The following ABCA3 variants were observed in gnomAD, a reference collection of about 807,000 sequenced individuals.
ABCA3 encodes phospholipid-transporting ATPase ABCA3.
In ABCA3, 88 loss-of-function variants were observed where a neutral mutation model predicts 172.8. That is an observed-to-expected ratio of 0.51 (90% confidence interval 0.43 to 0.61). The LOEUF is 0.61. ABCA3 is among the 20% of genes least tolerant of loss of function. The pLI is 0.00. For missense variants in ABCA3, 2,164 were observed against 2,301.0 expected, an observed-to-expected ratio of 0.94 and a Z score of 1.22; for synonymous variants, 1,066 against 983.8, an observed-to-expected ratio of 1.08 and a Z score of -1.56.
chr16:2,332,790 A>T, intron 1 of ABCA3: 1 of 698,698 alleles, frequency 1.4e-6, no homozygotes, highest in Non-Finnish European at 2.4e-6. Context: ...CATAGGCTTG[A>T]ATTTGCCACC....
Position 2,288,242 on chromosome 16 carries a change from C to T in ABCA3, c.2788G>A (p.Val930Ile). The change falls in exon 21 of 33, where the codon GTC becomes ATC. Residue 930 changes from valine to isoleucine, a missense_variant. Val to Ile is a conservative substitution (Grantham distance 29). This residue lies in a region of ABCA3 where 1,343 missense variants were observed against 1,369.6 expected (regional missense o/e 0.98). Coordinates refer to ENST00000301732, the MANE Select transcript of ABCA3 (RefSeq NM_001089.3). ...GTGACGCAGGTCAGAGGCACCAGGACCTGTGCCGCCACCATTTTCCACTCG... is the reference window on the plus strand; with the variant it reads ...GTGACGCAGGTCAGAGGCACCAGGATCTGTGCCGCCACCATTTTCCACTCG... Reference protein sequence around the residue: ...WREWKMVAAQVLVPLTCVTLA... With the variant: ...WREWKMVAAQILVPLTCVTLA... The T allele has an allele frequency of 6.3e-7, 1 of 1,593,448 alleles. No homozygotes were observed. Among genetic ancestry groups the T allele is most frequent in the Non-Finnish European group, 8.5e-7 (1 of 1,170,170 alleles).
intron 1 of ABCA3, among the ~76,000 whole-genome samples, chr16:2,339,543 G>T (rs115476416): frequency 6.6e-6 from 1 of 152,270 alleles, no homozygotes; most frequent in African/African-American, 2.4e-5. Flanking sequence ...GTTTACAAAA[G>T]GCAGCGCCCA....
rs949191413 is a variant in ABCA3, at chr16:2,333,236, G to A, written c.-538-3382C>T. ...GAGTGAGGGGCACAAGACCCATTAC[G>A]CCATGTGTTCCTGTTGTATTCTGAG... On this transcript the variant is annotated intron_variant, in intron 1 of 32. Transcript: ENST00000301732. Among the ~76,000 whole-genome samples the A allele has an allele frequency of 8.5e-5, 13 of 152,264 alleles. No individual in the cohort carries two copies. The East Asian group carries it at 1.7e-3, about 20-fold the overall frequency.
chr16:2,333,423 G>C (rs1412402418), intron 1 of ABCA3, among the ~76,000 whole-genome samples: 1 of 152,146 alleles, frequency 6.6e-6, no homozygotes, highest in East Asian at 1.9e-4. Context: ...GTGTGGTGCT[G>C]GTCACATTTG....
chr16:2,295,501 A>C (rs1217439356), intron 18 of ABCA3, 89 bp downstream of exon 18: 2 of 1,581,200 alleles, frequency 1.3e-6, no homozygotes, highest in African/African-American at 2.7e-5. Flanking sequence ...AGAGGGGCAG[A>C]GCAGGTGCCT....
At chr16:2,303,477 A>G (rs1314925293) in intron 12 of ABCA3, among the ~76,000 whole-genome samples, 2 of 151,090 alleles carry the variant, frequency 1.3e-5, no homozygotes, top group African/African-American at 4.9e-5. Context: ...TCACCTTGTT[A>G]GCCAGGATGG....
intron 4 of ABCA3, 63 bp downstream of exon 4, chr16:2,326,350 G>A: frequency 6.2e-7 from 1 of 1,611,858 alleles, no homozygotes. Flanking sequence ...CTTCCCTCAA[G>A]GGCATCCCCA....
Position 2,297,215 on chromosome 16 carries a change from G to T in ABCA3, c.2263+114C>A. 1 of 1,186,838 alleles carries T rather than the reference G, an allele frequency of 8.4e-7. No homozygotes were observed. The highest frequency in any genetic ancestry group is 1.2e-6 in the Non-Finnish European group (1 of 826,776). 73.5% of individuals were successfully genotyped at this position (1,186,838 alleles called of 1,614,324 possible). On this transcript the variant is annotated intron_variant, in intron 17 of 32. Transcript: ENST00000301732. The surrounding 1 kb of genome is among the most constrained non-coding windows in gnomAD (Gnocchi z 5.6). ...TCCACCCAGAGGCAACAGACAGGAA[G>T]TCTAGAAAAGGCCACCCCTGCCTGA... is the stretch of plus-strand genomic sequence containing the variant.
intron 17 of ABCA3, among the ~76,000 whole-genome samples, chr16:2,296,159 C>T (rs577646712): frequency 8.5e-5 from 13 of 152,082 alleles, no homozygotes; most frequent in African/African-American, 2.2e-4. Flanking sequence ...GCTGCAAGAC[C>T]GCACTGCACG....
intron 1 of ABCA3, among the ~76,000 whole-genome samples, chr16:2,332,037 C>G (rs574953022): frequency 6.6e-6 from 1 of 152,158 alleles, no homozygotes; most frequent in Non-Finnish European, 1.5e-5. Flanking sequence ...GCAACTGACT[C>G]GGTGCAGAGT....
intron 1 of ABCA3, among the ~76,000 whole-genome samples, chr16:2,334,175 G>A (rs2093747962): frequency 6.6e-6 from 1 of 152,164 alleles, no homozygotes; most frequent in Admixed American, 6.6e-5. Flanking sequence ...AGGTGACATG[G>A]GAAGCCGGTC....
chr16:2,298,512 T>C lies in ABCA3; in HGVS notation c.1770A>G (p.Ala590=). The C allele has an allele frequency of 4.3e-6, 7 of 1,613,960 alleles. No individual in the cohort carries two copies. The highest frequency in any genetic ancestry group is 2.2e-5 in the East Asian group (1 of 44,872). The change falls in exon 15 of 33, where the codon GCA becomes GCG. Residue 590 remains alanine, a synonymous_variant. Coordinates refer to ENST00000301732, the MANE Select transcript of ABCA3 (RefSeq NM_001089.3). The stretch of plus-strand genomic sequence containing the variant: ...GGGAAATTTCATACCCGCTGATGTA[T>C]GCCCGTCCACTGGTGGGGGGAAAGA... The part of the protein sequence containing the change: ...TGLFPPTSGR[A]YISGYEISQD...
At chr16:2,317,161 A>G in intron 10 of ABCA3, 122 bp downstream of exon 10, 1 of 1,434,042 alleles carries the variant, frequency 7.0e-7, no homozygotes, top group South Asian at 1.2e-5. Flanking sequence ...TCCCCTGGTC[A>G]GCTCCTCCCT....
At position 2,323,599 on chromosome 16, in the gene ABCA3, C is replaced by G; in HGVS notation, c.537G>C (p.Trp179Cys). The change falls in exon 7 of 33, where the codon TGG becomes TGC. Residue 179 changes from tryptophan to cysteine, a missense_variant. Transcript: ENST00000301732. ...AAAGCGGGAAAAGGGAAGTAGTGTG[C>G]CAGCCTTCTGTCTCTTTCAGGAAAA... The part of the protein sequence containing the change: ...GSFFLKETEG[W>C]HTTSLFPLFP... The G allele has an allele frequency of 2.3e-5, 37 of 1,614,130 alleles. No individual in the cohort carries two copies. Among genetic ancestry groups the G allele is most frequent in the Non-Finnish European group, 3.1e-5 (37 of 1,180,026 alleles).
At chr16:2,288,615 G>T (rs1213197641) in intron 20 of ABCA3, among the ~76,000 whole-genome samples, 1 of 152,148 alleles carries the variant, frequency 6.6e-6, no homozygotes, top group Admixed American at 6.5e-5. Context: ...GAGTGCAGTG[G>T]TGTGATCTCA....
chr16:2,340,203 G>A (rs1321549127), intron 1 of ABCA3, among the ~76,000 whole-genome samples: 3 of 152,174 alleles, frequency 2.0e-5, no homozygotes, highest in Non-Finnish European at 2.9e-5. Context: ...GCTGTCGGTC[G>A]CTACATATCC....
At chr16:2,310,556 G>A (rs114031771) in intron 10 of ABCA3, among the ~76,000 whole-genome samples, 1,926 of 141,194 alleles carry the variant, frequency 0.014, 33 homozygotes, top group African/African-American at 0.048. Context: ...TCATACTATC[G>A]CCCAGGATGG....
At position 2,278,409 on chromosome 16, in the gene ABCA3, G is replaced by T; in HGVS notation, c.4597C>A (p.Pro1533Thr). The change falls in exon 30 of 33, where the codon CCT (proline) becomes ACT (threonine). Residue 1533 changes from proline (P) to threonine (T), a missense_variant. This residue lies in a region of ABCA3 where 795 missense variants were observed against 881.9 expected (regional missense o/e 0.90). Coordinates refer to ENST00000301732, the MANE Select transcript of ABCA3 (RefSeq NM_001089.3). The surrounding 1 kb of genome is among the most constrained non-coding windows in gnomAD (Gnocchi z 4.4). ...LSTGIALIGEPAVIFLDEPST... is the reference protein window; with the variant it reads ...LSTGIALIGETAVIFLDEPST... ...GGCTCGTCCAGGAAGATGACAGCAG[G>T]CTCTCCGATCAGGGCGATGCCGGTG... is the stretch of plus-strand genomic sequence containing the variant. 1.2e-6 allele frequency: 2 copies of T among 1,612,874 alleles called. No individual in the cohort carries two copies. The highest frequency in any genetic ancestry group is 1.7e-6 in the Non-Finnish European group (2 of 1,180,024).
chr16:2,303,110 T>C (rs550999630), intron 12 of ABCA3, among the ~76,000 whole-genome samples: 5 of 151,994 alleles, frequency 3.3e-5, no homozygotes, highest in African/African-American at 4.8e-5. Flanking sequence ...CCAATCACAT[T>C]TTTATGAAAC....
Sources: allele counts gnomAD v4.1 joint callset (sites outside exome capture counted in the v4.1 genomes callset), GRCh38; gene constraint gnomAD v4.1.1; regional missense constraint gnomAD v4.1.1; non-coding constraint Gnocchi (gnomAD v3.1); transcripts MANE v1.5; gene names NCBI Gene and HGNC (gene_info 2026-07-23, HGNC 2026-07-21).